COL25A1: variants seen among roughly 807,000 people sequenced by gnomAD.
COL25A1 encodes collagen alpha-1(XXV) chain.
In COL25A1, 103 loss-of-function variants were observed where a neutral mutation model predicts 128.4. That is an observed-to-expected ratio of 0.80 (90% CI 0.68 to 0.94). The LOEUF is 0.94. COL25A1 is among the 40% of genes least tolerant of loss of function. The pLI is 0.00. For synonymous variants in COL25A1, 279 were observed against 277.2 expected (o/e 1.01, Z -0.06); for missense variants, 745 against 840.0 (o/e 0.89, Z 1.40).
intron 3 of COL25A1, among the ~76,000 whole-genome samples, chr4:109,224,043 T>G (rs1578483685): frequency 1.3e-5 from 2 of 152,268 alleles, no homozygotes; most frequent in African/African-American, 4.8e-5. Context: ...AAATATGCTC[T>G]GAACTCCTGT....
chr4:108,924,003 T>C (rs1427774456), intron 11 of COL25A1, among the ~76,000 whole-genome samples: 1 of 152,182 alleles, frequency 6.6e-6, no homozygotes, highest in African/African-American at 2.4e-5. Context: ...TATCTCAAGA[T>C]TAAAAACTGT....
At chr4:108,863,780 C>T (rs11932288) in intron 20 of COL25A1, among the ~76,000 whole-genome samples, 3,334 of 152,232 alleles carry the variant, frequency 0.022, 128 homozygotes, top group African/African-American at 0.074. Context: ...CTCTCTCTTC[C>T]GCAGCTGAGA....
chr4:109,247,685 A>G (rs1385055858), intron 3 of COL25A1, among the ~76,000 whole-genome samples: 1 of 152,212 alleles, frequency 6.6e-6, no homozygotes, highest in Non-Finnish European at 1.5e-5. Context: ...AGTCTTGAAC[A>G]TGCTAGGTGG....
chr4:109,216,506 AG>A (rs1676323227), intron 3 of COL25A1, among the ~76,000 whole-genome samples: 1 of 152,176 alleles, frequency 6.6e-6, no homozygotes, highest in South Asian at 2.1e-4. Flanking sequence ...ATCCTGGATT[AG>A]AGTAGGTCCT....
At chr4:108,973,717 C>T (rs747324205) in intron 8 of COL25A1, among the ~76,000 whole-genome samples, 5 of 152,240 alleles carry the variant, frequency 3.3e-5, no homozygotes, top group South Asian at 4.1e-4. Flanking sequence ...GGTAATAAGG[C>T]ACAGATGTGA....
chr4:109,163,875 C>T (rs960448473), intron 3 of COL25A1, among the ~76,000 whole-genome samples: 1 of 152,156 alleles, frequency 6.6e-6, no homozygotes, highest in African/African-American at 2.4e-5. Context: ...TTTCCTGACC[C>T]TTCAGCTTTG....
rs572590422 is a variant in COL25A1, at chr4:109,021,398, C to A, written c.421-11023G>T. On this transcript the variant is annotated intron_variant, in intron 5 of 37. Coordinates refer to ENST00000399132, the MANE Select transcript of COL25A1 (RefSeq NM_198721.4). ...GTGAAGATTTCATGGACATTTATCA[C>A]TTCCCTAATAATACTCTAATAATTT... is the stretch of plus-strand genomic sequence containing the variant. 3.3e-5 allele frequency among the ~76,000 whole-genome samples: 5 copies of A among 152,292 alleles called. No homozygotes were observed. In the South Asian group the frequency reaches 1.0e-3, roughly 32 times the overall value.
chr4:109,218,071 C>A (rs1336007914), intron 3 of COL25A1, among the ~76,000 whole-genome samples: 1 of 152,148 alleles, frequency 6.6e-6, no homozygotes, highest in Non-Finnish European at 1.5e-5. Flanking sequence ...ATATTCATGT[C>A]TTTTTAATGG....
intron 13 of COL25A1, among the ~76,000 whole-genome samples, chr4:108,902,307 C>T (rs1742936672): frequency 1.3e-5 from 2 of 151,896 alleles, no homozygotes; most frequent in Admixed American, 6.6e-5. Context: ...GAGGTAGGTA[C>T]TATTTTTATC....
chr4:108,943,979 AT>A (rs1194321378), intron 8 of COL25A1, among the ~76,000 whole-genome samples: 16 of 152,224 alleles, frequency 1.1e-4, no homozygotes, highest in African/African-American at 3.4e-4. Flanking sequence ...TACATTTTTA[AT>A]TTTATTAGTT....
chr4:109,219,676 C>T (rs1778283721), intron 3 of COL25A1, among the ~76,000 whole-genome samples: 1 of 152,164 alleles, frequency 6.6e-6, no homozygotes, highest in African/African-American at 2.4e-5. Flanking sequence ...GGAAATTATA[C>T]ATCCTAGCAC....
intron 5 of COL25A1, among the ~76,000 whole-genome samples, chr4:109,038,771 C>T (rs1759589306): frequency 6.6e-6 from 1 of 152,160 alleles, no homozygotes; most frequent in African/African-American, 2.4e-5. Context: ...CCATAAGAGG[C>T]TTCTTTTCTT....
chr4:109,114,088 T>C (rs1162422476), intron 3 of COL25A1, among the ~76,000 whole-genome samples: 1 of 152,070 alleles, frequency 6.6e-6, no homozygotes, highest in Non-Finnish European at 1.5e-5. Flanking sequence ...TTGAACAAGA[T>C]ACAAAGATAT....
At chr4:109,264,038 G>C (rs2126257904) in intron 3 of COL25A1, among the ~76,000 whole-genome samples, 1 of 152,296 alleles carries the variant, frequency 6.6e-6, no homozygotes, top group South Asian at 2.1e-4. Flanking sequence ...AGGATTTTAA[G>C]TACAAATTAT....
chr4:109,239,428 T>A lies in COL25A1; in HGVS notation c.367+61155A>T, dbSNP rs866713198. Among the ~76,000 whole-genome samples, 372 of 140,394 alleles carry A rather than the reference T, an allele frequency of 2.6e-3. 2 individuals are homozygous for A. The highest frequency in any genetic ancestry group is 9.2e-3 in the African/African-American group (349 of 37,856). 92.1% of individuals were successfully genotyped at this position (140,394 alleles called of 152,430 possible). ...TATATATATATATATATATATTTAT[T>A]TATTTATTTATTTATATTGTATTGC... On this transcript the variant is annotated intron_variant, in intron 3 of 37. Coordinates refer to ENST00000399132, the MANE Select transcript of COL25A1 (RefSeq NM_198721.4).
intron 6 of COL25A1, among the ~76,000 whole-genome samples, chr4:108,989,023 C>T (rs1329594695): frequency 6.6e-6 from 1 of 152,246 alleles, no homozygotes; most frequent in Non-Finnish European, 1.5e-5. Context: ...ACTCTGCCTA[C>T]TGACCACTCT....
At chr4:109,014,200 G>A (rs1479208393) in intron 5 of COL25A1, among the ~76,000 whole-genome samples, 1 of 152,098 alleles carries the variant, frequency 6.6e-6, no homozygotes, top group Admixed American at 6.5e-5. Flanking sequence ...CCACCTACTT[G>A]GGAGGCTGAG....
chr4:109,078,218 T>C (rs1349115700), intron 3 of COL25A1, among the ~76,000 whole-genome samples: 3 of 152,206 alleles, frequency 2.0e-5, no homozygotes, highest in Non-Finnish European at 4.4e-5. Flanking sequence ...CTAGAATGTG[T>C]TGAAGGTTTT....
chr4:109,141,915 T>C (rs1285800832), intron 3 of COL25A1, among the ~76,000 whole-genome samples: 1 of 152,208 alleles, frequency 6.6e-6, no homozygotes, highest in African/African-American at 2.4e-5. Context: ...GTTTTCCATG[T>C]CTCTATCTAC....
Sources: gnomAD v4.1 joint callset for allele counts (sites outside exome capture counted in the v4.1 genomes callset) on GRCh38, gnomAD v4.1.1 for gene constraint, MANE v1.5 for transcripts, NCBI Gene and HGNC (gene_info 2026-07-23, HGNC 2026-07-21) for gene names.